Variants in RBMS3 observed in about 807,000 individuals in gnomAD.
The protein encoded by RBMS3 is RNA binding motif single stranded interacting protein 3.
RBMS3 carries 27 observed loss-of-function variants against 66.8 expected under a neutral mutation model. The observed-to-expected ratio is 0.40, with a 90% CI of 0.30 to 0.56. The LOEUF (loss-of-function observed/expected upper bound fraction) is 0.56, where lower values mean the gene tolerates loss of function less well. Ranked by LOEUF, RBMS3 falls within the 20% of genes least tolerant of loss-of-function variation. The probability of loss-of-function intolerance (pLI) is 0.40; values close to 1 mark genes in which losing one functional copy is unlikely to be tolerated. For synonymous variants in RBMS3, 188 were observed against 183.0 expected (o/e 1.03, Z -0.22); for missense variants, 513 against 549.5 (o/e 0.93, Z 0.66).
At chr3:29,893,828 A>G (rs868558164) in intron 8 of RBMS3, among the ~76,000 whole-genome samples, 1 of 151,326 alleles carries the variant, frequency 6.6e-6, no homozygotes, top group African/African-American at 2.4e-5. Context: ...TCTTTCAGGG[A>G]CCCTTCTCCT....
At chr3:29,883,738 AC>A (rs1038060205) in intron 7 of RBMS3, among the ~76,000 whole-genome samples, 6 of 152,014 alleles carry the variant, frequency 3.9e-5, no homozygotes. Context: ...ACTTTTTTAA[AC>A]ATTTTCTTCT....
intron 10 of RBMS3, among the ~76,000 whole-genome samples, chr3:29,923,467 C>T (rs978583971): frequency 4.6e-5 from 7 of 152,140 alleles, no homozygotes; most frequent in African/African-American, 1.7e-4. Flanking sequence ...GGGCAGATGG[C>T]TTCAGGCTTG....
rs79487255 is a variant in RBMS3, at chr3:29,881,514, A to C, written c.745-2648A>C. Among the ~76,000 whole-genome samples, 572 of 152,280 alleles carry C rather than the reference A, an allele frequency of 3.8e-3. 8 individuals are homozygous for C. In the East Asian group the frequency reaches 0.051, roughly 14 times the overall value. On this transcript the variant is annotated intron_variant, in intron 7 of 14. Coordinates refer to ENST00000383767, the MANE Select transcript of RBMS3 (RefSeq NM_001003793.3). ...GCCCAAAGTCACACTGCTACAAAGT[A>C]ACAGAGCTAGAACTTGAACTCAGGT...
chr3:29,610,991 A>G (rs1158965911), intron 4 of RBMS3, among the ~76,000 whole-genome samples: 1 of 151,978 alleles, frequency 6.6e-6, no homozygotes, highest in African/African-American at 2.4e-5. Flanking sequence ...TGGTGCAGAC[A>G]TGTCTTATTT....
At position 29,838,173 on chromosome 3, in the gene RBMS3, C is replaced by CAAAAA. The variant is rs71091080; in HGVS notation, c.638-30670_638-30666dup. Reference sequence around the variant, plus strand: ...GCAACATAGTGAGACCTCATCTCTACAAAAAAAAAAAAAAAAAAAGCCAGC... The same window carrying CAAAAA: ...GCAACATAGTGAGACCTCATCTCTACAAAAAAAAAAAAAAAAAAAAAAAAGCCAGC... On this transcript the variant is annotated intron_variant, in intron 6 of 14. Coordinates refer to ENST00000383767, the MANE Select transcript of RBMS3 (RefSeq NM_001003793.3). Among the ~76,000 whole-genome samples the CAAAAA allele has an allele frequency of 4.8e-5, 4 of 83,020 alleles. 1 individual carries two copies. The highest frequency in any genetic ancestry group is 4.7e-5 in the African/African-American group (1 of 21,246). 54.5% of individuals were successfully genotyped at this position (83,020 alleles called of 152,430 possible).
intron 1 of RBMS3, among the ~76,000 whole-genome samples, chr3:29,391,453 G>A (rs372296092): frequency 1.1e-4 from 16 of 152,306 alleles, no homozygotes; most frequent in African/African-American, 3.6e-4. Context: ...AAATTTGTGT[G>A]ACAAACTGTG....
intron 14 of RBMS3, among the ~76,000 whole-genome samples, chr3:29,993,043 G>A (rs991463699): frequency 6.6e-6 from 1 of 152,252 alleles, no homozygotes; most frequent in Admixed American, 6.5e-5. Flanking sequence ...ATTCATCAAA[G>A]CAGTAAACTC....
intron 12 of RBMS3, among the ~76,000 whole-genome samples, chr3:29,974,871 T>G (rs1697459794): frequency 6.9e-6 from 1 of 144,482 alleles, no homozygotes; most frequent in Non-Finnish European, 1.5e-5. Flanking sequence ...TTTCTATATT[T>G]ATATATTTTA....
intron 8 of RBMS3, among the ~76,000 whole-genome samples, chr3:29,895,203 T>C (rs2060098252): frequency 6.6e-6 from 1 of 151,566 alleles, no homozygotes; most frequent in Non-Finnish European, 1.5e-5. Context: ...ACAAAGTAAA[T>C]GTTCAATAAT....
Position 29,591,466 on chromosome 3 carries a change from A to G in RBMS3, c.399+4261A>G, listed in dbSNP as rs555334945. 3.3e-5 allele frequency among the ~76,000 whole-genome samples: 5 copies of G among 152,330 alleles called. No individual in the cohort carries two copies. The South Asian group carries it at 8.3e-4, about 25-fold the overall frequency. On this transcript the variant is annotated intron_variant, in intron 4 of 14. Transcript: ENST00000383767. ...AGCCTAAATTATTGATCTCAAATACATATCAAATCCTGCTAGGTGGAAATA... is the reference window on the plus strand; with the variant it reads ...AGCCTAAATTATTGATCTCAAATACGTATCAAATCCTGCTAGGTGGAAATA...
chr3:29,528,011 C>T (rs1029561091), intron 3 of RBMS3, among the ~76,000 whole-genome samples: 2 of 151,688 alleles, frequency 1.3e-5, no homozygotes, highest in African/African-American at 2.4e-5. Flanking sequence ...AATACTCAAG[C>T]ACTGCACTGG....
chr3:29,756,990 T>A (rs2055446587), intron 5 of RBMS3, among the ~76,000 whole-genome samples: 1 of 152,148 alleles, frequency 6.6e-6, no homozygotes, highest in African/African-American at 2.4e-5. Context: ...GTAAAACCTC[T>A]GGGTTTGATT....
chr3:29,668,802 T>A (rs6549949), intron 4 of RBMS3, among the ~76,000 whole-genome samples: 94,827 of 152,064 alleles, frequency 0.62, 30,173 homozygotes, highest in African/African-American at 0.75. Flanking sequence ...TTTTTGAAAT[T>A]TTAATACTTT....
chr3:29,954,357 A>C (rs1695883923), intron 12 of RBMS3, among the ~76,000 whole-genome samples: 1 of 151,932 alleles, frequency 6.6e-6, no homozygotes, highest in Non-Finnish European at 1.5e-5. Context: ...TCTTGTTCAC[A>C]ATTTCAAATG....
chr3:29,476,283 T>G (rs1182530288), intron 2 of RBMS3, among the ~76,000 whole-genome samples: 1 of 152,236 alleles, frequency 6.6e-6, no homozygotes, highest in African/African-American at 2.4e-5. Flanking sequence ...CATGAACTAT[T>G]GTTTTTGAGT....
At chr3:29,827,897 C>A (rs2149483739) in intron 6 of RBMS3, among the ~76,000 whole-genome samples, 1 of 152,270 alleles carries the variant, frequency 6.6e-6, no homozygotes, top group East Asian at 1.9e-4. Flanking sequence ...ATTTGTGGAT[C>A]ACAGTAAATG....
At chr3:29,323,690 A>G (rs1340389181) in intron 1 of RBMS3, among the ~76,000 whole-genome samples, 2 of 102,036 alleles carry the variant, frequency 2.0e-5, no homozygotes, top group South Asian at 7.6e-4. Context: ...ACACACACAC[A>G]TACACACACA....
chr3:29,714,595 T>C (rs2053312098), intron 4 of RBMS3, among the ~76,000 whole-genome samples: 1 of 152,184 alleles, frequency 6.6e-6, no homozygotes, highest in African/African-American at 2.4e-5. Flanking sequence ...GGAAGACAGA[T>C]ATACATGAGA....
At chr3:29,425,538 TGA>T (rs2125709280) in intron 1 of RBMS3, among the ~76,000 whole-genome samples, 1 of 152,020 alleles carries the variant, frequency 6.6e-6, no homozygotes, top group East Asian at 1.9e-4. Context: ...CTCCGGAGGC[TGA>T]GACAGGGGAA....
Sources: gnomAD v4.1 joint callset for allele counts (sites outside exome capture counted in the v4.1 genomes callset) on GRCh38, gnomAD v4.1.1 for gene constraint, MANE v1.5 for transcripts, NCBI Gene and HGNC (gene_info 2026-07-23, HGNC 2026-07-21) for gene names.